SNX29: variants seen among roughly 807,000 people sequenced by gnomAD.
SNX29 encodes the protein sorting nexin-29.
SNX29 carries 78 observed loss-of-function variants against 102.1 expected under a neutral mutation model. The ratio of observed to expected loss-of-function variants is 0.76; its 90% confidence interval spans 0.64 to 0.92. SNX29 has a LOEUF of 0.92. Ranked by LOEUF, SNX29 falls within the 40% of genes least tolerant of loss-of-function variation. The pLI, the probability that SNX29 is intolerant of heterozygous loss-of-function variation, is 0.00. For missense variants in SNX29, 1,280 were observed against 1,061.7 expected (o/e 1.21, Z -2.86); for synonymous variants, 580 against 414.5 (o/e 1.40, Z -4.85).
intron 13 of SNX29, among the ~76,000 whole-genome samples, chr16:12,179,285 A>T (rs945034265): frequency 6.6e-6 from 1 of 152,242 alleles, no homozygotes; most frequent in African/African-American, 2.4e-5. Flanking sequence ...GGAGTTCGAG[A>T]TCAGACTGGG....
intron 20 of SNX29, among the ~76,000 whole-genome samples, chr16:12,529,294 C>G (rs1408677925): frequency 6.6e-6 from 1 of 152,208 alleles, no homozygotes; most frequent in Non-Finnish European, 1.5e-5. Context: ...ACACCCACAT[C>G]TTTGGGAAGC....
chr16:12,534,436 C>G (rs2077015842), intron 20 of SNX29, among the ~76,000 whole-genome samples: 1 of 152,198 alleles, frequency 6.6e-6, no homozygotes, highest in South Asian at 2.1e-4. Context: ...ACTCGGTTGC[C>G]TGTAGAAAGA....
chr16:12,524,856 C>G lies in SNX29; in HGVS notation c.2318+15C>G. On this transcript the variant is annotated intron_variant, in intron 20 of 20. Coordinates refer to ENST00000566228, the MANE Select transcript of SNX29 (RefSeq NM_032167.5). ...CCCTTCTTCGTGTAAGTACTGCTCC[C>G]ACGGACATGGGCCGCCAGCCCTGCC... The G allele has an allele frequency of 6.2e-7, 1 of 1,606,564 alleles. No homozygotes were observed. The highest frequency in any genetic ancestry group is 8.5e-7 in the Non-Finnish European group (1 of 1,175,686).
At chr16:12,151,307 C>G (rs540831975) in intron 13 of SNX29, among the ~76,000 whole-genome samples, 17 of 152,068 alleles carry the variant, frequency 1.1e-4, no homozygotes, top group African/African-American at 4.1e-4. Flanking sequence ...CACACACACA[C>G]TATTACACAA....
chr16:12,425,268 C>T (rs990789945), intron 18 of SNX29, among the ~76,000 whole-genome samples: 3 of 152,118 alleles, frequency 2.0e-5, no homozygotes, highest in Non-Finnish European at 2.9e-5. Context: ...TGGATCACCC[C>T]GCACATGCTA....
At chr16:12,192,194 G>C (rs2076659512) in intron 13 of SNX29, among the ~76,000 whole-genome samples, 1 of 152,208 alleles carries the variant, frequency 6.6e-6, no homozygotes, top group African/African-American at 2.4e-5. Flanking sequence ...AGCTGTTTGA[G>C]AGGTACTTGC....
intron 14 of SNX29, among the ~76,000 whole-genome samples, chr16:12,260,699 T>G (rs112373870): frequency 2.4e-5 from 1 of 41,440 alleles, no homozygotes; most frequent in African/African-American, 8.8e-5. Context: ...TGTGCACGCG[T>G]CCCCGGCTGG....
intron 14 of SNX29, among the ~76,000 whole-genome samples, chr16:12,209,095 G>T (rs1870184092): frequency 6.6e-6 from 1 of 152,122 alleles, no homozygotes; most frequent in Admixed American, 6.5e-5. Flanking sequence ...TTTACTAATG[G>T]GAAAAAGAGG....
chr16:12,310,345 C>A (rs1261716034), intron 15 of SNX29, among the ~76,000 whole-genome samples: 1 of 152,220 alleles, frequency 6.6e-6, no homozygotes, highest in Non-Finnish European at 1.5e-5. Flanking sequence ...AAAGGAAATA[C>A]ACGTTCACAC....
intron 14 of SNX29, among the ~76,000 whole-genome samples, chr16:12,217,494 C>A (rs990208747): frequency 6.6e-6 from 1 of 152,168 alleles, no homozygotes; most frequent in African/African-American, 2.4e-5. Flanking sequence ...GGTAGTGTGT[C>A]TAACACCTGT....
At chr16:12,561,628 C>G (rs865978580) in intron 20 of SNX29, among the ~76,000 whole-genome samples, 35 of 152,300 alleles carry the variant, frequency 2.3e-4, no homozygotes, top group Middle Eastern at 3.4e-3. Context: ...CCCCAAGAGG[C>G]TTATTAAAAA....
chr16:12,472,529 C>CAAAAAAAA (rs60223249), intron 18 of SNX29, among the ~76,000 whole-genome samples: 2 of 72,938 alleles, frequency 2.7e-5, no homozygotes, highest in African/African-American at 4.2e-5. Flanking sequence ...AAAAAAAAAC[C>CAAAAAAAA]AAAAAAAAAA....
chr16:12,342,883 C>T (rs2081654201), intron 15 of SNX29, among the ~76,000 whole-genome samples: 1 of 152,178 alleles, frequency 6.6e-6, no homozygotes, highest in Admixed American at 6.5e-5. Flanking sequence ...TGAATTACTG[C>T]TTGGCACAAA....
chr16:12,447,789 C>T lies in SNX29; in HGVS notation c.2038-29930C>T, dbSNP rs182499135. On this transcript the variant is annotated intron_variant, in intron 18 of 20. Coordinates refer to ENST00000566228, the MANE Select transcript of SNX29 (RefSeq NM_032167.5). ...ACTTGGCGAGAGTGCTTCATGTGTC[C>T]CACAAAAGCGGGAACAGCCCCACCA... Among the ~76,000 whole-genome samples, 409 of 152,302 alleles carry T rather than the reference C, an allele frequency of 2.7e-3. 3 individuals carry two copies. The highest frequency in any genetic ancestry group is 4.4e-3 in the Non-Finnish European group (296 of 68,032).
intron 14 of SNX29, among the ~76,000 whole-genome samples, chr16:12,268,345 A>G (rs745382135): frequency 3.2e-4 from 48 of 152,190 alleles, no homozygotes; most frequent in Non-Finnish European, 2.2e-4. Context: ...CTAGTTGTGT[A>G]GGAACTAAAT....
At chr16:12,387,374 T>TTGAG (rs2083376452) in intron 16 of SNX29, among the ~76,000 whole-genome samples, 2 of 152,248 alleles carry the variant, frequency 1.3e-5, no homozygotes, top group Admixed American at 1.3e-4. Context: ...GGGATAGCAC[T>TTGAG]CGAGCCTTGG....
At chr16:12,186,725 C>A (rs2076519729) in intron 13 of SNX29, among the ~76,000 whole-genome samples, 1 of 151,300 alleles carries the variant, frequency 6.6e-6, no homozygotes, top group African/African-American at 2.4e-5. Flanking sequence ...ACTTTTTTTT[C>A]TGGGTCCCTC....
Position 12,329,250 on chromosome 16 carries a change from C to G in SNX29, c.1783-26913C>G, listed in dbSNP as rs990029076. ...TATGATTATGCCACTGCACTCCAGC[C>G]TGAGCAACATGGTGAGACCTTGTCT... On this transcript the variant is annotated intron_variant, in intron 15 of 20. Coordinates refer to ENST00000566228, the MANE Select transcript of SNX29 (RefSeq NM_032167.5). Among the ~76,000 whole-genome samples the G allele has an allele frequency of 7.5e-5, 9 of 120,436 alleles. No homozygotes were observed. The Middle Eastern group carries it at 0.02, about 271-fold the overall frequency. 79.0% of individuals were successfully genotyped at this position (120,436 alleles called of 152,430 possible).
Position 11,999,353 on chromosome 16 carries a change from A to C in SNX29, c.64A>C (p.Lys22Gln). The change falls in exon 2 of 21, where the codon AAA (lysine) becomes CAA (glutamine). Residue 22 changes from lysine to glutamine, a missense_variant. Coordinates refer to ENST00000566228, the MANE Select transcript of SNX29 (RefSeq NM_032167.5). ...GCTGGAGCGACTGCTGGATGCAGTG[A>C]AACAGGTAAGCAGAAAGCACACATT... ...FLLERLLDAV[K>Q]QCQIRFGGRK... 6.2e-7 allele frequency: 1 copy of C among 1,614,100 alleles called. No individual in the cohort carries two copies. Among genetic ancestry groups the C allele is most frequent in the Admixed American group, 1.7e-5 (1 of 60,016 alleles).
Sources: allele counts gnomAD v4.1 joint callset (sites outside exome capture counted in the v4.1 genomes callset), GRCh38; gene constraint gnomAD v4.1.1; transcripts MANE v1.5; gene names NCBI Gene and HGNC (gene_info 2026-07-23, HGNC 2026-07-21).